The following CTCF variants were observed in gnomAD, a reference collection of about 807,000 sequenced individuals.
CTCF encodes the protein transcriptional repressor CTCF.
CTCF carries 7 observed loss-of-function variants against 72.3 expected under a neutral mutation model. The ratio of observed to expected loss-of-function variants is 0.10; its 90% CI spans 0.06 to 0.18. CTCF has a LOEUF of 0.18. CTCF is among the 10% of genes least tolerant of loss of function. CTCF has a pLI of 1.00. For missense variants in CTCF, 516 were observed against 949.1 expected (o/e 0.54, Z 6.00); for synonymous variants, 374 against 315.8 (o/e 1.18, Z -1.95).
Position 67,611,469 on chromosome 16 carries a change from C to T in CTCF, c.637C>T (p.Arg213Cys), listed in dbSNP as rs1220590499. The T allele has an allele frequency of 1.2e-6, 2 of 1,614,106 alleles. No individual in the cohort carries two copies. The highest frequency in any genetic ancestry group is 1.7e-6 in the Non-Finnish European group (2 of 1,180,030). ...AAAGAAAACCAAAAAGAGCAAACTGCGTTATACAGAGGAGGGCAAAGATGT... is the reference window on the plus strand; with the variant it reads ...AAAGAAAACCAAAAAGAGCAAACTGTGTTATACAGAGGAGGGCAAAGATGT... Reference protein sequence around the residue: ...KTKKTKKSKLRYTEEGKDVDV... With the variant: ...KTKKTKKSKLCYTEEGKDVDV... The change falls in exon 3 of 12, where the codon CGT becomes TGT. Residue 213 changes from arginine (R) to cysteine (C), a missense_variant. Around this residue, in one of 7 missense-constraint regions of CTCF, gnomAD observed 53 missense variants for 63.6 expected, o/e 0.83. Transcript: ENST00000264010.
chr16:67,637,173 A>C (rs1452935894), intron 11 of CTCF, among the ~76,000 whole-genome samples: 2 of 152,202 alleles, frequency 1.3e-5, no homozygotes, highest in African/African-American at 4.8e-5. Context: ...TGCGGTAATG[A>C]ATATAAAAGA....
At chr16:67,577,993 C>G (rs184692153) in intron 2 of CTCF, among the ~76,000 whole-genome samples, 1 of 152,188 alleles carries the variant, frequency 6.6e-6, no homozygotes, top group African/African-American at 2.4e-5. Flanking sequence ...ACATTAGAAC[C>G]TAAAGAATCC....
At chr16:67,636,986 C>A (rs2052439849) in intron 11 of CTCF, 135 bp downstream of exon 11, 2 of 775,602 alleles carry the variant, frequency 2.6e-6, no homozygotes, top group Non-Finnish European at 3.8e-6. Context: ...AACAAACTCT[C>A]AGGAAATGGC....
chr16:67,584,334 C>CGTCTTTTTTTTTT (rs1567596519), intron 2 of CTCF, among the ~76,000 whole-genome samples: 5 of 121,926 alleles, frequency 4.1e-5, no homozygotes, highest in African/African-American at 1.8e-4. Context: ...AAAAAAAAGT[C>CGTCTTTTTTTTTT]TTCTTTTTTT....
chr16:67,571,941 G>A (rs1381091952), intron 2 of CTCF, among the ~76,000 whole-genome samples: 1 of 152,088 alleles, frequency 6.6e-6, no homozygotes, highest in Non-Finnish European at 1.5e-5. Flanking sequence ...ACAACAAAGT[G>A]GGATTCTGGT....
At chr16:67,580,591 C>T (rs187692535) in intron 2 of CTCF, among the ~76,000 whole-genome samples, 122 of 151,678 alleles carry the variant, frequency 8.0e-4, no homozygotes, top group African/African-American at 2.8e-3. Context: ...GACGAAGTCT[C>T]GCTCTTGTCC....
At chr16:67,612,748 C>T (rs571376377) in intron 4 of CTCF, among the ~76,000 whole-genome samples, 2 of 151,514 alleles carry the variant, frequency 1.3e-5, no homozygotes, top group South Asian at 2.1e-4. Flanking sequence ...GCCTGGCCAA[C>T]GTGACAAAAT....
chr16:67,636,075 TACA>T (rs1219757541), intron 10 of CTCF, among the ~76,000 whole-genome samples: 1 of 152,066 alleles, frequency 6.6e-6, no homozygotes, highest in East Asian at 1.9e-4. Context: ...CTACAAAAAA[TACA>T]AAGATTATCT....
chr16:67,585,353 A>T (rs572168571), intron 2 of CTCF, among the ~76,000 whole-genome samples: 3 of 152,326 alleles, frequency 2.0e-5, no homozygotes, highest in East Asian at 3.9e-4. Context: ...CCCGTCTTAC[A>T]CATGTCTTCA....
At chr16:67,569,947 A>G (rs530273947) in intron 1 of CTCF, among the ~76,000 whole-genome samples, 2 of 152,338 alleles carry the variant, frequency 1.3e-5, no homozygotes, top group South Asian at 4.1e-4. Flanking sequence ...TGGCTTCCCC[A>G]GTTATCTTAC....
At chr16:67,616,997 T>C in intron 5 of CTCF, 119 bp downstream of exon 5, 1 of 986,902 alleles carries the variant, frequency 1.0e-6, no homozygotes, top group Non-Finnish European at 1.6e-6. Flanking sequence ...TAGTAAATTA[T>C]TAACACTCCC....
intron 5 of CTCF, among the ~76,000 whole-genome samples, chr16:67,619,473 A>G (rs541902489): frequency 1.3e-5 from 2 of 152,330 alleles, no homozygotes; most frequent in South Asian, 2.1e-4. Flanking sequence ...ATTTATGAGT[A>G]CAGTGTTTTT....
intron 4 of CTCF, chr16:67,612,372 A>G (rs1271745055): frequency 1.1e-5 from 3 of 276,310 alleles, no homozygotes; most frequent in African/African-American, 4.5e-5. Flanking sequence ...GCCTGGTACT[A>G]TGAGGAAGAA....
chr16:67,610,308 T>A (rs1010620602), intron 2 of CTCF, among the ~76,000 whole-genome samples: 6 of 152,162 alleles, frequency 3.9e-5, no homozygotes, highest in African/African-American at 7.2e-5. Flanking sequence ...TTTTGGAGTT[T>A]GTTTGACAAA....
intron 2 of CTCF, among the ~76,000 whole-genome samples, chr16:67,610,315 C>G (rs1045724442): frequency 6.7e-6 from 1 of 148,586 alleles, no homozygotes. Context: ...GTTTGTTTGA[C>G]AAAATTGCAT....
intron 7 of CTCF, 82 bp from the exon 8 acceptor site, chr16:67,626,473 A>AT: frequency 3.2e-6 from 3 of 947,742 alleles, no homozygotes; most frequent in Non-Finnish European, 4.3e-6. Flanking sequence ...AAAAAAAAAA[A>AT]GAATCGAGAA....
chr16:67,591,469 T>C (rs1597696021), intron 2 of CTCF, among the ~76,000 whole-genome samples: 1 of 152,230 alleles, frequency 6.6e-6, no homozygotes, highest in Non-Finnish European at 1.5e-5. Flanking sequence ...CCTCATTCTT[T>C]ATTGTAGTCT....
chr16:67,580,947 G>C (rs540899508), intron 2 of CTCF, among the ~76,000 whole-genome samples: 1 of 149,810 alleles, frequency 6.7e-6, no homozygotes, highest in Non-Finnish European at 1.5e-5. Context: ...ATTTATTTTT[G>C]AGATGGAATC....
intron 2 of CTCF, among the ~76,000 whole-genome samples, chr16:67,601,253 TG>T (rs1567603826): frequency 0.01 from 1,301 of 130,048 alleles, 22 homozygotes; most frequent in South Asian, 0.045. Context: ...TGTGTGTGTG[TG>T]TTTTGTTTTG....
Sources: allele counts gnomAD v4.1 joint callset (sites outside exome capture counted in the v4.1 genomes callset), GRCh38; gene constraint gnomAD v4.1.1; regional missense constraint gnomAD v4.1.1; transcripts MANE v1.5; gene names NCBI Gene and HGNC (gene_info 2026-07-23, HGNC 2026-07-21).